The following SDHAF3 variants were observed in gnomAD, a reference collection of about 807,000 sequenced individuals.
SDHAF3 encodes succinate dehydrogenase assembly factor 3, mitochondrial.
A neutral mutation model predicts 11.5 loss-of-function variants in SDHAF3; 18 were observed. The observed-to-expected ratio is 1.56, with a 90% CI of 1.08 to 2.32. SDHAF3 has a LOEUF of 2.32. Among genes scored for constraint, SDHAF3 ranks in the 30% most tolerant of loss-of-function variants. The pLI, the probability that SDHAF3 is intolerant of heterozygous loss-of-function variation, is 0.00. For synonymous variants in SDHAF3, 72 were observed against 59.3 expected (o/e 1.21, Z -0.99); for missense variants, 200 against 154.4 (o/e 1.30, Z -1.57).
chr7:97,144,502 A>T lies in SDHAF3; in HGVS notation c.174+26605A>T, dbSNP rs181259673. On this transcript the variant is annotated intron_variant, in intron 1 of 1. Coordinates refer to ENST00000432641, the MANE Select transcript of SDHAF3 (RefSeq NM_020186.3). ...AGTTGATTTTTGTATTAGGCAAGAGATGAGGATCCAGTTTCATTCTCTTAC... is the reference window on the plus strand; with the variant it reads ...AGTTGATTTTTGTATTAGGCAAGAGTTGAGGATCCAGTTTCATTCTCTTAC... Among the ~76,000 whole-genome samples, 6 of 152,322 alleles carry T rather than the reference A, an allele frequency of 3.9e-5. No individual in the cohort carries two copies. The East Asian group carries it at 1.2e-3, about 29-fold the overall frequency.
chr7:97,119,788 T>C (rs948992248), intron 1 of SDHAF3, among the ~76,000 whole-genome samples: 1 of 152,178 alleles, frequency 6.6e-6, no homozygotes, highest in Non-Finnish European at 1.5e-5. Context: ...AGTACTAGTC[T>C]GTTACTTTGT....
intron 1 of SDHAF3, among the ~76,000 whole-genome samples, chr7:97,157,969 TG>T (rs1466049615): frequency 2.6e-4 from 21 of 82,146 alleles, no homozygotes; most frequent in Non-Finnish European, 3.9e-4. Flanking sequence ...TGTTGTGGGG[TG>T]GGGGGTGGGG....
At chr7:97,165,116 C>G (rs1789481423) in intron 1 of SDHAF3, among the ~76,000 whole-genome samples, 1 of 152,020 alleles carries the variant, frequency 6.6e-6, no homozygotes, top group Non-Finnish European at 1.5e-5. Context: ...AACCCCATCT[C>G]TACTAAAAAA....
At chr7:97,142,219 A>G (rs1481474741) in intron 1 of SDHAF3, among the ~76,000 whole-genome samples, 2 of 151,238 alleles carry the variant, frequency 1.3e-5, no homozygotes, top group African/African-American at 4.9e-5. Flanking sequence ...ACGCCTAGCT[A>G]ATTTTTTGTA....
chr7:97,139,672 C>A (rs1789000776), intron 1 of SDHAF3, among the ~76,000 whole-genome samples: 1 of 152,222 alleles, frequency 6.6e-6, no homozygotes, highest in Non-Finnish European at 1.5e-5. Context: ...TTGTCTGCCT[C>A]CTGCTGCTAT....
intron 1 of SDHAF3, among the ~76,000 whole-genome samples, chr7:97,142,446 C>G (rs989680579): frequency 1.3e-5 from 2 of 152,102 alleles, no homozygotes; most frequent in Non-Finnish European, 2.9e-5. Context: ...GGGCATTAGG[C>G]TTATTCCAAG....
Position 97,142,289 on chromosome 7 carries a change from G to A in SDHAF3, c.174+24392G>A, listed in dbSNP as rs533416239. ...AGGCTGGTCTCAAACTCCTGACCTCGTGATCTGCCCACCTCGGCCTCCCAA... is the reference window on the plus strand; with the variant it reads ...AGGCTGGTCTCAAACTCCTGACCTCATGATCTGCCCACCTCGGCCTCCCAA... On this transcript the variant is annotated intron_variant, in intron 1 of 1. Transcript: ENST00000432641. 5.3e-5 allele frequency among the ~76,000 whole-genome samples: 8 copies of A among 151,938 alleles called. No homozygotes were observed. The East Asian group carries it at 9.7e-4, about 18-fold the overall frequency.
intron 1 of SDHAF3, among the ~76,000 whole-genome samples, chr7:97,141,015 C>T (rs1198384289): frequency 6.6e-6 from 1 of 152,230 alleles, no homozygotes; most frequent in African/African-American, 2.4e-5. Flanking sequence ...AAAGAGAATG[C>T]ATCCCTGAGG....
chr7:97,141,049 T>TGGGGATGG (rs1828063151), intron 1 of SDHAF3, among the ~76,000 whole-genome samples: 1 of 152,244 alleles, frequency 6.6e-6, no homozygotes, highest in South Asian at 2.1e-4. Flanking sequence ...ATGGCTGCTT[T>TGGGGATGG]GGGGATGGCT....
chr7:97,126,138 C>T (rs1791569712), intron 1 of SDHAF3, among the ~76,000 whole-genome samples: 1 of 152,244 alleles, frequency 6.6e-6, no homozygotes, highest in Non-Finnish European at 1.5e-5. Flanking sequence ...GGCTGCAGAA[C>T]AGCAAAGATT....
chr7:97,118,548 A>G (rs969369423), intron 1 of SDHAF3, among the ~76,000 whole-genome samples: 2 of 41,646 alleles, frequency 4.8e-5, no homozygotes, highest in South Asian at 1.3e-3. Context: ...AAGTCGTTTG[A>G]CTTTTTTTTT....
chr7:97,123,350 A>T lies in SDHAF3; in HGVS notation c.174+5453A>T, dbSNP rs184259707. 8.1e-4 allele frequency among the ~76,000 whole-genome samples: 123 copies of T among 152,274 alleles called. 1 individual carries two copies. Among genetic ancestry groups the T allele is most frequent in the Admixed American group, 2.6e-3 (40 of 15,296 alleles). On this transcript the variant is annotated intron_variant, in intron 1 of 1. Coordinates refer to ENST00000432641, the MANE Select transcript of SDHAF3 (RefSeq NM_020186.3). Reference sequence around the variant, plus strand: ...TCATTCTTTTTTATGGCTGCATAGTATTCCATGATGTATATGTTCCACATT... The same window carrying T: ...TCATTCTTTTTTATGGCTGCATAGTTTTCCATGATGTATATGTTCCACATT...
intron 1 of SDHAF3, among the ~76,000 whole-genome samples, chr7:97,136,651 A>G (rs542444032): frequency 2.0e-5 from 3 of 152,304 alleles, no homozygotes; most frequent in Non-Finnish European, 4.4e-5. Context: ...GCAAAGTTTA[A>G]GAAGTTATTC....
At chr7:97,144,447 G>A (rs1215532328) in intron 1 of SDHAF3, among the ~76,000 whole-genome samples, 1 of 152,114 alleles carries the variant, frequency 6.6e-6, no homozygotes, top group Non-Finnish European at 1.5e-5. Context: ...ATAGTTTCAG[G>A]TCTTAGGTTT....
At chr7:97,123,788 CT>C (rs201123819) in intron 1 of SDHAF3, among the ~76,000 whole-genome samples, 8,973 of 137,496 alleles carry the variant, frequency 0.065, 630 homozygotes, top group East Asian at 0.29. Context: ...GCATAAATGT[CT>C]TTTTTTTTTT....
At chr7:97,126,283 AC>A (rs970166019) in intron 1 of SDHAF3, among the ~76,000 whole-genome samples, 31 of 152,116 alleles carry the variant, frequency 2.0e-4, no homozygotes, top group African/African-American at 7.0e-4. Flanking sequence ...GGGGTCAAAG[AC>A]CCAGTTGAGG....
chr7:97,180,096 A>G (rs756368718), intron 1 of SDHAF3, among the ~76,000 whole-genome samples: 2 of 152,256 alleles, frequency 1.3e-5, no homozygotes, highest in Non-Finnish European at 2.9e-5. Context: ...TAGTTGGAAT[A>G]TTAGGCTGAA....
chr7:97,143,268 C>T (rs1037367595), intron 1 of SDHAF3, among the ~76,000 whole-genome samples: 10 of 152,048 alleles, frequency 6.6e-5, no homozygotes, highest in African/African-American at 2.4e-5. Context: ...TTAGAGACTG[C>T]TAGGGTAAGC....
chr7:97,166,584 A>C (rs1261696155), intron 1 of SDHAF3, among the ~76,000 whole-genome samples: 1 of 152,108 alleles, frequency 6.6e-6, no homozygotes, highest in African/African-American at 2.4e-5. Flanking sequence ...GTTAGTTTTA[A>C]GGTTTCTGTT....
Sources: gnomAD v4.1 joint callset for allele counts (sites outside exome capture counted in the v4.1 genomes callset) on GRCh38, gnomAD v4.1.1 for gene constraint, MANE v1.5 for transcripts, NCBI Gene and HGNC (gene_info 2026-07-23, HGNC 2026-07-21) for gene names.